NAF1: variants seen among roughly 807,000 people sequenced by gnomAD.
NAF1 encodes nuclear assembly factor 1 ribonucleoprotein, also known as H/ACA ribonucleoprotein complex non-core subunit NAF1.
A neutral mutation model predicts 40.6 loss-of-function variants in NAF1; 11 were observed. That is an observed-to-expected ratio of 0.27 (90% CI 0.17 to 0.45). The LOEUF (loss-of-function observed/expected upper bound fraction) is 0.45. NAF1 is among the 20% of genes least tolerant of loss of function. NAF1 has a pLI of 1.00. For synonymous variants in NAF1, 260 were observed against 228.5 expected (o/e 1.14, Z -1.24); for missense variants, 607 against 611.1 (o/e 0.99, Z 0.07).
At chr4:163,146,562 T>C (rs1050324096) in intron 3 of NAF1, among the ~76,000 whole-genome samples, 16 of 152,246 alleles carry the variant, frequency 1.1e-4, no homozygotes, top group African/African-American at 3.6e-4. Context: ...TTACATTACA[T>C]AGATAATACC....
intron 5 of NAF1, among the ~76,000 whole-genome samples, chr4:163,139,551 C>G (rs1220568670): frequency 6.6e-6 from 1 of 152,010 alleles, no homozygotes; most frequent in Non-Finnish European, 1.5e-5. Context: ...AGCTCTACAA[C>G]TAACAGCTGG....
chr4:163,105,788 T>A (rs1418660569), downstream of NAF1, among the ~76,000 whole-genome samples: 1 of 152,206 alleles, frequency 6.6e-6, no homozygotes, highest in East Asian at 1.9e-4. Flanking sequence ...CTGTCTTAAA[T>A]CTTTTAGCAG....
downstream of NAF1, among the ~76,000 whole-genome samples, chr4:163,124,854 T>C (rs917931215): frequency 6.6e-6 from 1 of 152,272 alleles, no homozygotes; most frequent in South Asian, 2.1e-4. Context: ...TTGCATTTTT[T>C]ACAAATCGAA....
intron 5 of NAF1, among the ~76,000 whole-genome samples, chr4:163,138,678 G>C (rs966805137): frequency 3.9e-5 from 6 of 151,996 alleles, no homozygotes; most frequent in Admixed American, 6.6e-5. Flanking sequence ...CTGCAATATA[G>C]GTCTAATTTC....
At chr4:163,138,800 A>T (rs990827340) in intron 5 of NAF1, among the ~76,000 whole-genome samples, 1 of 152,180 alleles carries the variant, frequency 6.6e-6, no homozygotes, top group Non-Finnish European at 1.5e-5. Context: ...AACCTCTTCA[A>T]ATTTATCTGT....
At chr4:163,148,277 G>A (rs183990205) in intron 3 of NAF1, 64 bp downstream of exon 3, 1 of 983,580 alleles carries the variant, frequency 1.0e-6, no homozygotes, top group East Asian at 2.7e-5. Flanking sequence ...AGTCATAAAA[G>A]TCATTGATTC....
intron 2 of NAF1, among the ~76,000 whole-genome samples, chr4:163,161,949 C>A (rs765784390): frequency 2.6e-5 from 4 of 152,152 alleles, no homozygotes; most frequent in Non-Finnish European, 4.4e-5. Flanking sequence ...CTCGCACTAG[C>A]CCATGTGCTC....
intron 2 of NAF1, among the ~76,000 whole-genome samples, chr4:163,151,150 A>G (rs1731685801): frequency 6.6e-6 from 1 of 151,944 alleles, no homozygotes; most frequent in Admixed American, 6.6e-5. Context: ...GTCTTTTATC[A>G]AATATGTAGC....
chr4:163,148,922 T>C (rs1030317195), intron 2 of NAF1, among the ~76,000 whole-genome samples: 3 of 151,982 alleles, frequency 2.0e-5, no homozygotes, highest in South Asian at 2.1e-4. Flanking sequence ...TCAAGAAGAG[T>C]TGAATGGCCT....
chr4:163,137,530 G>A (rs1483113114), intron 5 of NAF1, among the ~76,000 whole-genome samples: 1 of 152,004 alleles, frequency 6.6e-6, no homozygotes, highest in Non-Finnish European at 1.5e-5. Flanking sequence ...TTTGATTTTT[G>A]TTTTCATAAT....
At chr4:163,147,773 G>A (rs565237472) in intron 3 of NAF1, among the ~76,000 whole-genome samples, 1 of 152,240 alleles carries the variant, frequency 6.6e-6, no homozygotes, top group South Asian at 2.1e-4. Context: ...AATCTAAAAA[G>A]TCTTTAAAAG....
chr4:163,160,175 T>G (rs938190327), intron 2 of NAF1, among the ~76,000 whole-genome samples: 1 of 152,164 alleles, frequency 6.6e-6, no homozygotes, highest in African/African-American at 2.4e-5. Context: ...AGGTTATATA[T>G]AAACCTTCTG....
intron 1 of NAF1, among the ~76,000 whole-genome samples, chr4:163,165,578 C>T (rs1370203312): frequency 6.6e-6 from 1 of 152,184 alleles, no homozygotes; most frequent in African/African-American, 2.4e-5. Flanking sequence ...CAGCCTTCTT[C>T]ACTTCCACTC....
At chr4:163,129,655 C>T (rs532631524) in intron 7 of NAF1, among the ~76,000 whole-genome samples, 6 of 152,152 alleles carry the variant, frequency 3.9e-5, no homozygotes, top group Non-Finnish European at 8.8e-5. Context: ...AGACTTCTAT[C>T]CTTGACAGGC....
chr4:163,105,734 AT>A (rs1288621273), downstream of NAF1, among the ~76,000 whole-genome samples: 1 of 152,226 alleles, frequency 6.6e-6, no homozygotes, highest in Admixed American at 6.5e-5. Flanking sequence ...AAACAAGTAT[AT>A]TGCATTTTAT....
intron 6 of NAF1, chr4:163,135,627 AT>A: frequency 6.6e-6 from 1 of 152,244 alleles, no homozygotes; most frequent in Non-Finnish European, 1.5e-5. Context: ...CCCGTCTCTA[AT>A]AAAAATACAA....
the NAF1 span, among the ~76,000 whole-genome samples, chr4:163,104,059 G>A: frequency 6.6e-6 from 1 of 152,082 alleles, no homozygotes; most frequent in African/African-American, 2.4e-5. Context: ...ACAGTCAAAG[G>A]GGGTTGTTCT....
chr4:163,140,500 G>C, intron 4 of NAF1, 117 bp from the exon 5 acceptor site: 1 of 799,108 alleles, frequency 1.3e-6, no homozygotes, highest in Non-Finnish European at 2.0e-6. Flanking sequence ...TTTTGTCAGT[G>C]TTAGGGCAAT....
intron 5 of NAF1, 46 bp downstream of exon 5, chr4:163,140,177 A>G: frequency 6.9e-7 from 1 of 1,443,406 alleles, no homozygotes; most frequent in Non-Finnish European, 9.3e-7. Context: ...TTCTTAAAAT[A>G]TAAACGTTAG....
Sources: gnomAD v4.1 joint callset for allele counts (sites outside exome capture counted in the v4.1 genomes callset) on GRCh38, gnomAD v4.1.1 for gene constraint, MANE v1.5 for transcripts, NCBI Gene and HGNC (gene_info 2026-07-23, HGNC 2026-07-21) for gene names.